PRDX3: variants seen among roughly 807,000 people sequenced by gnomAD.
PRDX3 encodes the protein peroxiredoxin 3, also known as thioredoxin-dependent peroxide reductase, mitochondrial.
A neutral mutation model predicts 30.4 loss-of-function variants in PRDX3; 20 were observed. That is an observed-to-expected ratio of 0.66 (90% CI 0.46 to 0.96). The LOEUF is 0.96. PRDX3 is among the 40% of genes least tolerant of loss of function. The probability of loss-of-function intolerance (pLI) is 0.00; values close to 1 mark genes in which losing one functional copy is unlikely to be tolerated. For synonymous variants in PRDX3, 124 were observed against 117.8 expected (o/e 1.05, Z -0.34); for missense variants, 322 against 318.3 (o/e 1.01, Z -0.09).
chr10:119,173,778 A>C lies in PRDX3; in HGVS notation c.406T>G (p.Ser136Ala). ...NCEVVAVSVD[S>A]HFSHLAWINT... ...ATCCAGGCAAGATGGCTAAAGTGGG[A>C]ATCCACTGAGACTGCGACAACTTCA... Residue 136 changes from serine to alanine, a missense_variant, in exon 4 of 7, where the codon TCC becomes GCC. Physicochemically the swap from Ser to Ala is moderately conservative, Grantham distance 99. Transcript: ENST00000298510. 6.2e-7 allele frequency: 1 copy of C among 1,612,622 alleles called. No homozygotes were observed. Among genetic ancestry groups the C allele is most frequent in the East Asian group, 2.2e-5 (1 of 44,890 alleles).
chr10:119,177,171 T>A lies in PRDX3; in HGVS notation c.37-18A>T. 9.9e-6 allele frequency: 16 copies of A among 1,611,740 alleles called. No homozygotes were observed. The highest frequency in any genetic ancestry group is 1.4e-5 in the Non-Finnish European group (16 of 1,179,474). ...CGGGCAACCTGGAAAGAGAAACTTT[T>A]TATTAGAAAGTTTTCCTGGACTGGT... is the stretch of plus-strand genomic sequence containing the variant. On this transcript the variant is annotated intron_variant, in intron 1 of 6. Coordinates refer to ENST00000298510, the MANE Select transcript of PRDX3 (RefSeq NM_006793.5).
At chr10:119,177,834 T>C (rs1242943905) in intron 1 of PRDX3, among the ~76,000 whole-genome samples, 1 of 150,442 alleles carries the variant, frequency 6.6e-6, no homozygotes, top group Non-Finnish European at 1.5e-5. Flanking sequence ...AGAGCCAAAT[T>C]CAGCCTCTGG....
intron 4 of PRDX3, 96 bp downstream of exon 4, chr10:119,173,641 G>T: frequency 2.2e-6 from 3 of 1,363,878 alleles, no homozygotes; most frequent in Non-Finnish European, 3.0e-6. Flanking sequence ...CCCAACCCTT[G>T]CGTAATTTGA....
At chr10:119,169,120 A>G (rs754657221) in intron 6 of PRDX3, 57 bp downstream of exon 6, 27 of 1,577,362 alleles carry the variant, frequency 1.7e-5, no homozygotes, top group East Asian at 4.5e-5. Context: ...TTTCAGGTCA[A>G]TAGCTCTCGA....
Position 119,168,315 on chromosome 10 carries a change from A to G in PRDX3, c.*165T>C. 1.5e-6 allele frequency: 2 copies of G among 1,374,418 alleles called. No individual in the cohort carries two copies. Among genetic ancestry groups the G allele is most frequent in the Non-Finnish European group, 1.9e-6 (2 of 1,041,402 alleles). 85.1% of individuals were successfully genotyped at this position (1,374,418 alleles called of 1,614,324 possible). On this transcript the variant is annotated 3_prime_UTR_variant, in exon 7 of 7. Transcript: ENST00000298510. ...GTACTAGCAACTAACCATGTTTAAA[A>G]GGTCTTAGCCAGAATTACAAAAACA...
rs1440427446 is a variant in PRDX3 at position 119,172,358 on chromosome 10, A to C, written c.551+24T>G. The C allele has an allele frequency of 1.5e-5, 23 of 1,541,146 alleles. No homozygotes were observed. In the South Asian group the frequency reaches 2.5e-4, roughly 16 times the overall value. ...ATACTAAACATGAAAAATAATCTTA[A>C]GTTCATCAGAAACAGGATCTTACCT... is the stretch of plus-strand genomic sequence containing the variant. On this transcript the variant is annotated intron_variant, in intron 5 of 6. Coordinates refer to ENST00000298510, the MANE Select transcript of PRDX3 (RefSeq NM_006793.5).
chr10:119,173,578 C>T (rs184451919), intron 4 of PRDX3, among the ~76,000 whole-genome samples, 159 bp downstream of exon 4: 27 of 150,176 alleles, frequency 1.8e-4, no homozygotes, highest in African/African-American at 6.1e-4. Context: ...CATTGCACTC[C>T]AGCCTGGGCA....
At chr10:119,175,426 G>A (rs563978596) in intron 2 of PRDX3, among the ~76,000 whole-genome samples, 5 of 152,298 alleles carry the variant, frequency 3.3e-5, no homozygotes, top group East Asian at 1.9e-4. Flanking sequence ...GCGGAGTCTC[G>A]CTCTGTTCGC....
chr10:119,176,158 T>C lies in PRDX3; in HGVS notation c.169+863A>G, dbSNP rs114181330. Among the ~76,000 whole-genome samples, 279 of 152,226 alleles carry C rather than the reference T, an allele frequency of 1.8e-3. 2 individuals are homozygous for C. Among genetic ancestry groups the C allele is most frequent in the African/African-American group, 6.5e-3 (268 of 41,532 alleles). On this transcript the variant is annotated intron_variant, in intron 2 of 6. Coordinates refer to ENST00000298510, the MANE Select transcript of PRDX3 (RefSeq NM_006793.5). ...AACAGAAAGGAATGGATGCAAGAGA[T>C]GTGTCAAAACTGAAAAGGACTTGCT...
intron 4 of PRDX3, among the ~76,000 whole-genome samples, chr10:119,172,940 A>AT (rs1429157849): frequency 6.6e-6 from 1 of 151,350 alleles, no homozygotes; most frequent in African/African-American, 2.4e-5. Context: ...TATTTTATTT[A>AT]TTTATTTATT....
At position 119,172,470 on chromosome 10, in the gene PRDX3, G is replaced by C; in HGVS notation, c.463C>G (p.His155Asp). 1 of 1,613,778 alleles carries C rather than the reference G, an allele frequency of 6.2e-7. No individual in the cohort carries two copies. The highest frequency in any genetic ancestry group is 8.5e-7 in the Non-Finnish European group (1 of 1,179,684). ...TCTGACAAGAGTGCGATGTTCATGT[G>C]GCCCAAACCACCATTCTAATCAAAA... Reference protein sequence around the residue: ...NTPRKNGGLGHMNIALLSDLT... With the variant: ...NTPRKNGGLGDMNIALLSDLT... The change falls in exon 5 of 7, where the codon CAC becomes GAC. Residue 155 changes from histidine (H) to aspartate (D), a missense_variant. Transcript: ENST00000298510.
chr10:119,178,197 G>A (rs1430529462), intron 1 of PRDX3, among the ~76,000 whole-genome samples: 1 of 152,118 alleles, frequency 6.6e-6, no homozygotes, highest in Non-Finnish European at 1.5e-5. Context: ...AATGACTCAG[G>A]AGAACGAAAG....
Position 119,169,188 on chromosome 10 carries a change from C to G in PRDX3, c.706G>C (p.Asp236His). The change falls in exon 6 of 7, where the codon GAT becomes CAT. Residue 236 changes from aspartate to histidine, a missense_variant. Coordinates refer to ENST00000298510, the MANE Select transcript of PRDX3 (RefSeq NM_006793.5). ...GGAAAAAAACCTACCGTAGGAGAAT[C>G]CGGTGTCCAGTTCGCTGGGCAGACT... ...GEVCPANWTP[D>H]SPTIKPSPAA... is the part of the protein sequence containing the mutation. 1.2e-6 allele frequency: 2 copies of G among 1,612,308 alleles called. No homozygotes were observed. Among genetic ancestry groups the G allele is most frequent in the Non-Finnish European group, 1.7e-6 (2 of 1,179,998 alleles).
At chr10:119,176,903 T>C (rs1848041277) in intron 2 of PRDX3, 118 bp downstream of exon 2, 1 of 1,268,440 alleles carries the variant, frequency 7.9e-7, no homozygotes, top group Non-Finnish European at 1.1e-6. Context: ...GGCAGTGCTG[T>C]GTTCCTGAAA....
At chr10:119,174,348 C>G (rs1457322236) in intron 3 of PRDX3, 103 bp downstream of exon 3, 8 of 1,333,316 alleles carry the variant, frequency 6.0e-6, no homozygotes, top group Non-Finnish European at 8.2e-6. Flanking sequence ...CAGAAAGAAT[C>G]CTTCCTTTCA....
chr10:119,171,839 G>A (rs1847914839), intron 5 of PRDX3, among the ~76,000 whole-genome samples: 1 of 152,190 alleles, frequency 6.6e-6, no homozygotes, highest in Non-Finnish European at 1.5e-5. Context: ...TTTGGTTCCA[G>A]GGCTGAAGAT....
At chr10:119,178,727 C>T (rs1045072768) in intron 1 of PRDX3, 28 bp downstream of exon 1, 20 of 1,550,668 alleles carry the variant, frequency 1.3e-5, no homozygotes, top group Non-Finnish European at 1.6e-5. Context: ...AGTGTCTCCA[C>T]GCCTGTCCCC....
chr10:119,170,016 C>T (rs1048288049), intron 5 of PRDX3: 2 of 152,236 alleles, frequency 1.3e-5, no homozygotes, highest in African/African-American at 2.4e-5. Flanking sequence ...TATAGGGTCT[C>T]ACTGTATTGC....
In PRDX3 at chr10:119,178,812, C is replaced by G. The variant is rs1564840757; in HGVS notation, c.-22G>C. 9 of 1,476,758 alleles carry G rather than the reference C, an allele frequency of 6.1e-6. No homozygotes were observed. The highest frequency in any genetic ancestry group is 8.2e-6 in the Non-Finnish European group (9 of 1,102,426). 91.5% of individuals were successfully genotyped at this position (1,476,758 alleles called of 1,614,324 possible). A position where few individuals can be genotyped will look rare whatever the true frequency, so the allele number is the denominator to read the frequency against. On this transcript the variant is annotated 5_prime_UTR_variant, in exon 1 of 7. Coordinates refer to ENST00000298510, the MANE Select transcript of PRDX3 (RefSeq NM_006793.5). ...CCATCTTCAGTGCACTCGGGCGCCA[C>G]GGGGCGGGCAGAGACGCAGGGGCGG...
Sources: allele counts gnomAD v4.1 joint callset (sites outside exome capture counted in the v4.1 genomes callset), GRCh38; gene constraint gnomAD v4.1.1; transcripts MANE v1.5; gene names NCBI Gene and HGNC (gene_info 2026-07-23, HGNC 2026-07-21).